The following ADGRL3 variants were observed in gnomAD, a reference collection of about 807,000 sequenced individuals.
ADGRL3 encodes adhesion G protein-coupled receptor L3, also known as calcium-independent alpha-latrotoxin receptor 3.
ADGRL3 carries 62 observed loss-of-function variants against 153.5 expected under a neutral mutation model. The observed-to-expected ratio is 0.40, with a 90% CI of 0.33 to 0.50. ADGRL3 has a LOEUF of 0.50. ADGRL3 is among the 20% of genes least tolerant of loss of function. The pLI, the probability that ADGRL3 is intolerant of heterozygous loss-of-function variation, is 0.47. For missense variants in ADGRL3, 1,641 were observed against 1,859.4 expected (o/e 0.88, Z 2.16); for synonymous variants, 710 against 672.5 (o/e 1.06, Z -0.86).
At chr4:61,813,706 T>G in intron 8 of ADGRL3, 103 bp from the exon 9 acceptor site, 1 of 1,344,004 alleles carries the variant, frequency 7.4e-7, no homozygotes, top group Non-Finnish European at 1.0e-6. Context: ...ATTTAGGCTA[T>G]TAATTCAGTT....
At chr4:61,755,067 T>C (rs373998188) in intron 8 of ADGRL3, among the ~76,000 whole-genome samples, 259 of 152,266 alleles carry the variant, frequency 1.7e-3, no homozygotes, top group African/African-American at 5.0e-3. Flanking sequence ...TGAATAGTGC[T>C]GCAATAAACA....
chr4:61,339,049 C>T (rs969813569), intron 1 of ADGRL3, among the ~76,000 whole-genome samples: 1 of 151,914 alleles, frequency 6.6e-6, no homozygotes, highest in Non-Finnish European at 1.5e-5. Flanking sequence ...TATACAATTC[C>T]CCTCATAGAC....
chr4:61,263,296 A>T (rs1415824291), intron 1 of ADGRL3, among the ~76,000 whole-genome samples: 1 of 151,912 alleles, frequency 6.6e-6, no homozygotes, highest in African/African-American at 2.4e-5. Context: ...GGTTAAAAAA[A>T]ACCTAATTTT....
At chr4:61,479,888 A>G (rs2098113775) in intron 2 of ADGRL3, among the ~76,000 whole-genome samples, 1 of 152,182 alleles carries the variant, frequency 6.6e-6, no homozygotes, top group Non-Finnish European at 1.5e-5. Flanking sequence ...TTTAAATTAT[A>G]ATTAACAATT....
At chr4:61,584,061 A>T (rs1316769965) in intron 4 of ADGRL3, among the ~76,000 whole-genome samples, 1 of 149,078 alleles carries the variant, frequency 6.7e-6, no homozygotes, top group African/African-American at 2.5e-5. Flanking sequence ...TGAATGGCAA[A>T]AAACTTTTCT....
At chr4:61,373,680 A>G (rs111970883) in intron 1 of ADGRL3, among the ~76,000 whole-genome samples, 71 of 152,300 alleles carry the variant, frequency 4.7e-4, no homozygotes, top group African/African-American at 1.6e-3. Flanking sequence ...TTATTCTGAA[A>G]AATATTGTTT....
At chr4:61,849,570 A>G (rs1302684518) in intron 9 of ADGRL3, among the ~76,000 whole-genome samples, 1 of 151,968 alleles carries the variant, frequency 6.6e-6, no homozygotes, top group Non-Finnish European at 1.5e-5. Flanking sequence ...CTTTCTATGT[A>G]ACTCTATTAA....
intron 1 of ADGRL3, among the ~76,000 whole-genome samples, chr4:61,216,117 G>A (rs1363855508): frequency 5.9e-5 from 9 of 152,110 alleles, no homozygotes; most frequent in Non-Finnish European, 1.3e-4. Flanking sequence ...GAATTTTTAC[G>A]TTTCTTCCTT....
intron 4 of ADGRL3, among the ~76,000 whole-genome samples, chr4:61,582,733 C>A (rs530081143): frequency 6.6e-6 from 1 of 151,738 alleles, no homozygotes; most frequent in African/African-American, 2.4e-5. Flanking sequence ...TAATTATTTA[C>A]GTTCCCTTCC....
At position 62,037,797 on chromosome 4, in the gene ADGRL3, A is replaced by C. The variant is rs757428320; in HGVS notation, c.3658A>C (p.Ile1220Leu). ...TAGTGGCAAAAGTACAGAGAGTTCCATTGGTTCAGGGAAAACATCTGGTTC... is the reference window on the plus strand; with the variant it reads ...TAGTGGCAAAAGTACAGAGAGTTCCCTTGGTTCAGGGAAAACATCTGGTTC... ...CCSGKSTESS[I>L]GSGKTSGSRT... The change falls in exon 24 of 27, where the codon ATT becomes CTT. Residue 1220 changes from isoleucine (I) to leucine (L), a missense_variant. By Grantham distance (5) the Ile-to-Leu change is conservative (BLOSUM62 2). Coordinates refer to ENST00000683033, the MANE Select transcript of ADGRL3 (RefSeq NM_001387552.1). 6 of 1,613,766 alleles carry C rather than the reference A, an allele frequency of 3.7e-6. No homozygotes were observed. The East Asian group carries it at 1.3e-4, about 36-fold the overall frequency.
rs558181795 is a variant in ADGRL3 at position 61,714,058 on chromosome 4, G to A, written c.584-16564G>A. On this transcript the variant is annotated intron_variant, in intron 6 of 26. Coordinates refer to ENST00000683033, the MANE Select transcript of ADGRL3 (RefSeq NM_001387552.1). The stretch of plus-strand genomic sequence containing the variant: ...CTGCAGGAGGAGTTCTATGGAATGC[G>A]TAAATGTTAGACCTCTAGCTACAAT... Among the ~76,000 whole-genome samples the A allele has an allele frequency of 1.1e-4, 17 of 152,150 alleles. 1 individual carries two copies. The highest frequency in any genetic ancestry group is 4.1e-4 in the South Asian group (2 of 4,822).
chr4:61,254,564 T>C (rs2091778117), intron 1 of ADGRL3, among the ~76,000 whole-genome samples: 1 of 152,168 alleles, frequency 6.6e-6, no homozygotes, highest in South Asian at 2.1e-4. Context: ...AGATATTCTG[T>C]TGTGAATCAC....
intron 11 of ADGRL3, among the ~76,000 whole-genome samples, chr4:61,897,247 T>G (rs1316268609): frequency 6.6e-6 from 1 of 152,234 alleles, no homozygotes; most frequent in Non-Finnish European, 1.5e-5. Flanking sequence ...AAAACTATGT[T>G]ATGTGATCAT....
chr4:61,337,752 G>A (rs1560491023), intron 1 of ADGRL3, among the ~76,000 whole-genome samples: 1 of 152,110 alleles, frequency 6.6e-6, no homozygotes, highest in African/African-American at 2.4e-5. Flanking sequence ...GAAAGTCAGT[G>A]CTTGCTTCCT....
intron 2 of ADGRL3, among the ~76,000 whole-genome samples, chr4:61,416,916 T>G (rs2097150385): frequency 6.6e-6 from 1 of 152,142 alleles, no homozygotes; most frequent in Non-Finnish European, 1.5e-5. Context: ...CTGAGCTTGT[T>G]TTTCTGAAAC....
chr4:61,832,983 G>A (rs2097890648), intron 9 of ADGRL3, among the ~76,000 whole-genome samples: 2 of 151,920 alleles, frequency 1.3e-5, no homozygotes, highest in Admixed American at 1.3e-4. Flanking sequence ...GTAGAGCCAT[G>A]TATAGTTCCT....
rs183502672 is a variant in ADGRL3, at chr4:61,474,117, T to A, written c.-173-23004T>A. Among the ~76,000 whole-genome samples, 115 of 152,288 alleles carry A rather than the reference T, an allele frequency of 7.6e-4. 2 individuals are homozygous for A. Among genetic ancestry groups the A allele is most frequent in the Non-Finnish European group, 2.2e-4 (15 of 68,004 alleles). The stretch of plus-strand genomic sequence containing the variant: ...AGGCAGTTCATGCTTGAGCTTCTAC[T>A]TTTGCAATACAGCCAGCAGACAGAA... On this transcript the variant is annotated intron_variant, in intron 2 of 26. Transcript: ENST00000683033.
chr4:61,878,827 T>C (rs1947275), intron 9 of ADGRL3, among the ~76,000 whole-genome samples: 119,433 of 152,064 alleles, frequency 0.79, 47,146 homozygotes, highest in South Asian at 0.84. Flanking sequence ...TTACATTCCC[T>C]TGTGTGAAGA....
chr4:61,897,561 T>TA (rs1303462619), intron 11 of ADGRL3, among the ~76,000 whole-genome samples: 1 of 152,216 alleles, frequency 6.6e-6, no homozygotes, highest in Non-Finnish European at 1.5e-5. Context: ...TACTTGGTTG[T>TA]GTCCCTTATG....
Sources: gnomAD v4.1 joint callset for allele counts (sites outside exome capture counted in the v4.1 genomes callset) on GRCh38, gnomAD v4.1.1 for gene constraint, MANE v1.5 for transcripts, NCBI Gene and HGNC (gene_info 2026-07-23, HGNC 2026-07-21) for gene names.